Variants in ZFAND3 observed in about 807,000 individuals in gnomAD.
ZFAND3 encodes AN1-type zinc finger protein 3.
Under a neutral mutation model 29.6 loss-of-function variants are expected in ZFAND3, and 10 were observed. The observed-to-expected ratio is 0.34, with a 90% CI of 0.21 to 0.57. The LOEUF (loss-of-function observed/expected upper bound fraction) is 0.57. ZFAND3 is among the 20% of genes least tolerant of loss of function. ZFAND3 has a pLI of 0.86. For missense variants in ZFAND3, 230 were observed against 304.5 expected (o/e 0.76, Z 1.82); for synonymous variants, 128 against 112.6 (o/e 1.14, Z -0.87).
At chr6:38,041,636 T>A (rs865959365) in intron 2 of ZFAND3, among the ~76,000 whole-genome samples, 2 of 10,468 alleles carry the variant, frequency 1.9e-4, no homozygotes, top group African/African-American at 6.1e-4. Context: ...TACTTTTTCT[T>A]CTTCTTCTTC....
chr6:37,988,120 A>G (rs1275673483), intron 2 of ZFAND3, among the ~76,000 whole-genome samples: 1 of 152,210 alleles, frequency 6.6e-6, no homozygotes, highest in Non-Finnish European at 1.5e-5. Context: ...AGAAAATATT[A>G]ATTTTGCCAA....
intron 1 of ZFAND3, among the ~76,000 whole-genome samples, chr6:37,865,676 T>C (rs1470256000): frequency 6.6e-6 from 1 of 152,160 alleles, no homozygotes; most frequent in East Asian, 1.9e-4. Flanking sequence ...ATAAATTGAC[T>C]TCAGAGTTAA....
intron 3 of ZFAND3, 53 bp from the exon 4 acceptor site, chr6:38,082,339 A>G (rs1204237003): frequency 1.3e-6 from 2 of 1,502,680 alleles, no homozygotes; most frequent in African/African-American, 2.8e-5. Flanking sequence ...AAGCAACTAT[A>G]TGGGCATGTA....
intron 1 of ZFAND3, among the ~76,000 whole-genome samples, chr6:37,897,620 T>C (rs2127399547): frequency 6.6e-6 from 1 of 152,314 alleles, no homozygotes; most frequent in Non-Finnish European, 1.5e-5. Flanking sequence ...AGCGGATTAG[T>C]ATTTCAGTGT....
At chr6:37,982,940 G>C (rs1762604533) in intron 2 of ZFAND3, among the ~76,000 whole-genome samples, 1 of 152,102 alleles carries the variant, frequency 6.6e-6, no homozygotes, top group Non-Finnish European at 1.5e-5. Context: ...TTAGGCTAAT[G>C]TATGTGTTTG....
rs145334284 is a variant in ZFAND3, at chr6:37,940,636, A to G, written c.112+10637A>G. 5.7e-3 allele frequency among the ~76,000 whole-genome samples: 872 copies of G among 152,270 alleles called. 7 individuals carry two copies. The highest frequency in any genetic ancestry group is 0.02 in the African/African-American group (836 of 41,534). The stretch of plus-strand genomic sequence containing the variant: ...ATAGTACTGGCATCTGCTTCTGGGG[A>G]GGTCTCTGGAAGTTCCCAGTGATGG... On this transcript the variant is annotated intron_variant, in intron 2 of 5. Transcript: ENST00000287218.
At chr6:37,839,401 C>T (rs996796464) in intron 1 of ZFAND3, among the ~76,000 whole-genome samples, 11 of 151,992 alleles carry the variant, frequency 7.2e-5, no homozygotes, top group African/African-American at 9.7e-5. Context: ...GGGATGGTCT[C>T]GATCTCCTGA....
At chr6:37,821,139 C>T (rs1763659773) in intron 1 of ZFAND3, among the ~76,000 whole-genome samples, 1 of 152,206 alleles carries the variant, frequency 6.6e-6, no homozygotes, top group South Asian at 2.1e-4. Flanking sequence ...TTTCCCTTTG[C>T]TATCTCCCAT....
chr6:37,937,466 C>T (rs1349976345), intron 2 of ZFAND3, among the ~76,000 whole-genome samples: 1 of 151,868 alleles, frequency 6.6e-6, no homozygotes, highest in Non-Finnish European at 1.5e-5. Flanking sequence ...ACCAACCTGG[C>T]CAACATGGTG....
At chr6:37,923,040 G>T (rs1561935397) in intron 1 of ZFAND3, among the ~76,000 whole-genome samples, 2 of 152,072 alleles carry the variant, frequency 1.3e-5, no homozygotes, top group Admixed American at 6.5e-5. Context: ...TGACTCTTTT[G>T]TAATCACACT....
chr6:38,137,198 C>A (rs1348936282), intron 5 of ZFAND3, among the ~76,000 whole-genome samples: 1 of 152,176 alleles, frequency 6.6e-6, no homozygotes, highest in Non-Finnish European at 1.5e-5. Context: ...CAAGTGTAGG[C>A]TCCTATGAAT....
intron 3 of ZFAND3, among the ~76,000 whole-genome samples, chr6:38,073,571 T>A (rs1056088774): frequency 6.6e-6 from 1 of 152,210 alleles, no homozygotes; most frequent in African/African-American, 2.4e-5. Flanking sequence ...AAACAGTGTC[T>A]AAAATTAGTA....
chr6:38,146,965 A>C (rs1766122226), intron 5 of ZFAND3, among the ~76,000 whole-genome samples: 1 of 152,220 alleles, frequency 6.6e-6, no homozygotes, highest in Admixed American at 6.5e-5. Context: ...TATGGGGTAC[A>C]TGAGAAATTC....
In ZFAND3 at chr6:38,152,485, G is replaced by A. The variant is rs964345558; in HGVS notation, c.*96G>A. 31 of 1,403,792 alleles carry A rather than the reference G, an allele frequency of 2.2e-5. No individual in the cohort carries two copies. Among genetic ancestry groups the A allele is most frequent in the South Asian group, 8.8e-5 (5 of 56,982 alleles). 87.0% of individuals were successfully genotyped at this position (1,403,792 alleles called of 1,614,324 possible). ...GCCAGACACCTTGTACTGGGCACGC[G>A]TCAGACTGCAGCCAGTCCGTTTCCT... On this transcript the variant is annotated 3_prime_UTR_variant, in exon 6 of 6. Transcript: ENST00000287218.
chr6:37,945,893 C>G (rs942808949), intron 2 of ZFAND3, among the ~76,000 whole-genome samples: 3 of 152,192 alleles, frequency 2.0e-5, no homozygotes, highest in Non-Finnish European at 4.4e-5. Flanking sequence ...TATCAGACAC[C>G]TGGATACCTG....
At chr6:37,820,054 C>CG in intron 1 of ZFAND3, 38 bp downstream of exon 1, 3 of 914,424 alleles carry the variant, frequency 3.3e-6, no homozygotes, top group Non-Finnish European at 4.1e-6. Flanking sequence ...GGGCGGGGGC[C>CG]GGGGGCGCAG....
chr6:37,838,679 C>T lies in ZFAND3; in HGVS notation c.71+18663C>T, dbSNP rs185815708. 1.1e-4 allele frequency among the ~76,000 whole-genome samples: 16 copies of T among 152,256 alleles called. No individual in the cohort carries two copies. The East Asian group carries it at 2.5e-3, about 24-fold the overall frequency. Reference sequence around the variant, plus strand: ...CATGTCTTTTTGTGGCTGTATAATACTCCATGTGGATATACCACATTTTGT... The same window carrying T: ...CATGTCTTTTTGTGGCTGTATAATATTCCATGTGGATATACCACATTTTGT... On this transcript the variant is annotated intron_variant, in intron 1 of 5. Transcript: ENST00000287218.
intron 2 of ZFAND3, among the ~76,000 whole-genome samples, chr6:37,962,419 T>C (rs747495114): frequency 5.3e-5 from 8 of 152,130 alleles, no homozygotes; most frequent in Non-Finnish European, 1.2e-4. Flanking sequence ...GAGATAGGCA[T>C]AGAAAGTTTA....
chr6:38,081,487 T>C (rs1764660749), intron 3 of ZFAND3, among the ~76,000 whole-genome samples: 1 of 152,160 alleles, frequency 6.6e-6, no homozygotes. Context: ...TATGAATTAT[T>C]GTTGTAGGAG....
Sources: allele counts gnomAD v4.1 joint callset (sites outside exome capture counted in the v4.1 genomes callset), GRCh38; gene constraint gnomAD v4.1.1; transcripts MANE v1.5; gene names NCBI Gene and HGNC (gene_info 2026-07-23, HGNC 2026-07-21).